Variants in GAB1 observed in about 807,000 individuals in gnomAD.
The protein encoded by GAB1 is GRB2 associated binding protein 1.
Under a neutral mutation model 66.5 loss-of-function variants are expected in GAB1, and 19 were observed. The ratio of observed to expected loss-of-function variants is 0.29; its 90% CI spans 0.20 to 0.42. GAB1 has a LOEUF of 0.42. Ranked by LOEUF, GAB1 falls within the 10% of genes least tolerant of loss-of-function variation. The pLI is 1.00. For missense variants in GAB1, 732 were observed against 858.5 expected (o/e 0.85, Z 1.84); for synonymous variants, 294 against 301.4 (o/e 0.98, Z 0.25).
At chr4:143,378,512 G>A (rs796644723) in intron 1 of GAB1, among the ~76,000 whole-genome samples, 14 of 152,070 alleles carry the variant, frequency 9.2e-5, no homozygotes, top group African/African-American at 3.4e-4. Flanking sequence ...TTTATGCTTA[G>A]CAACAATTAG....
At chr4:143,388,334 A>C (rs1024898665) in intron 1 of GAB1, among the ~76,000 whole-genome samples, 6 of 152,162 alleles carry the variant, frequency 3.9e-5, no homozygotes, top group Admixed American at 1.3e-4. Flanking sequence ...GGTGTCTACA[A>C]ACAGTGCTAC....
At chr4:143,374,131 A>G (rs1427927160) in intron 1 of GAB1, among the ~76,000 whole-genome samples, 1 of 151,342 alleles carries the variant, frequency 6.6e-6, no homozygotes, top group Non-Finnish European at 1.5e-5. Flanking sequence ...ATTTTATAGG[A>G]TTTTCTAGAT....
rs186671627 is a variant in GAB1, at chr4:143,409,687, G to C, written c.73-5790G>C. Among the ~76,000 whole-genome samples, 897 of 152,194 alleles carry C rather than the reference G, an allele frequency of 5.9e-3. 5 individuals are homozygous for C. The highest frequency in any genetic ancestry group is 7.5e-3 in the Non-Finnish European group (510 of 68,004). Reference sequence around the variant, plus strand: ...CAGTGGTAGGAAGGTAGGGTGTGGGGAGGAAAGGGGAAGGTTGGGAAAAAA... The same window carrying C: ...CAGTGGTAGGAAGGTAGGGTGTGGGCAGGAAAGGGGAAGGTTGGGAAAAAA... On this transcript the variant is annotated intron_variant, in intron 1 of 9. Transcript: ENST00000262994.
intron 8 of GAB1, 122 bp from the exon 9 acceptor site, chr4:143,465,981 G>A (rs1193096445): frequency 6.8e-6 from 7 of 1,030,872 alleles, no homozygotes; most frequent in African/African-American, 3.2e-5. Context: ...CTAAAAGGTT[G>A]TTTAACTTTT....
At chr4:143,384,207 C>T (rs535095543) in intron 1 of GAB1, among the ~76,000 whole-genome samples, 28 of 152,306 alleles carry the variant, frequency 1.8e-4, no homozygotes, top group African/African-American at 6.7e-4. Context: ...TCAAGATAGA[C>T]TTGTTTATTC....
intron 1 of GAB1, among the ~76,000 whole-genome samples, chr4:143,387,999 G>A (rs369432875): frequency 6.6e-6 from 1 of 152,130 alleles, no homozygotes; most frequent in Non-Finnish European, 1.5e-5. Flanking sequence ...TTAGCACATG[G>A]TAGAACATTC....
chr4:143,380,807 G>T (rs1730627306), intron 1 of GAB1: 1 of 152,240 alleles, frequency 6.6e-6, no homozygotes. Flanking sequence ...ACACCAGAAA[G>T]AAATAGTTAC....
intron 2 of GAB1, among the ~76,000 whole-genome samples, chr4:143,416,271 G>C (rs796380295): frequency 2.6e-5 from 4 of 152,202 alleles, no homozygotes; most frequent in African/African-American, 9.6e-5. Context: ...AGCCGGGCTT[G>C]GTGGCAGGCA....
At chr4:143,351,653 CTTCCCCACTTCCA>C (rs1157289780) in intron 1 of GAB1, among the ~76,000 whole-genome samples, 1 of 152,192 alleles carries the variant, frequency 6.6e-6, no homozygotes, top group Non-Finnish European at 1.5e-5. Flanking sequence ...AGGCACTTCC[CTTCCCCACTTCCA>C]TATCATTTAA....
At chr4:143,349,080 G>T (rs1323796953) in intron 1 of GAB1, among the ~76,000 whole-genome samples, 1 of 152,150 alleles carries the variant, frequency 6.6e-6, no homozygotes, top group Admixed American at 6.5e-5. Flanking sequence ...ATATTTGCTT[G>T]TTTACTTGCT....
intron 1 of GAB1, 29 bp from the exon 2 acceptor site, chr4:143,415,448 C>T: frequency 6.5e-7 from 1 of 1,536,424 alleles, no homozygotes; most frequent in Non-Finnish European, 8.8e-7. Context: ...CAAGTTAATA[C>T]TGAATGGATA....
chr4:143,382,373 G>T (rs1229247009), intron 1 of GAB1, among the ~76,000 whole-genome samples: 1 of 152,112 alleles, frequency 6.6e-6, no homozygotes, highest in African/African-American at 2.4e-5. Context: ...ATACTGTGGA[G>T]AAAGTATTCA....
chr4:143,338,712 G>GGGGTGTGTGTGTGTGT (rs71588246), intron 1 of GAB1, among the ~76,000 whole-genome samples: 76 of 149,284 alleles, frequency 5.1e-4, no homozygotes, highest in African/African-American at 1.8e-3. Context: ...GAAAGGTAGG[G>GGGGTGTGTGTGTGTGT]GTGTGTGTGT....
chr4:143,400,860 T>C (rs1731732822), intron 1 of GAB1, among the ~76,000 whole-genome samples: 1 of 151,820 alleles, frequency 6.6e-6, no homozygotes, highest in Non-Finnish European at 1.5e-5. Context: ...TCCCAGCTAC[T>C]TAGAAGGTTG....
At chr4:143,342,114 A>G (rs1728841565) in intron 1 of GAB1, among the ~76,000 whole-genome samples, 1 of 152,256 alleles carries the variant, frequency 6.6e-6, no homozygotes. Flanking sequence ...TTGCAATTAC[A>G]TTAAGCCTTT....
intron 1 of GAB1, among the ~76,000 whole-genome samples, chr4:143,359,002 T>G (rs1729555247): frequency 6.6e-6 from 1 of 152,232 alleles, no homozygotes; most frequent in East Asian, 1.9e-4. Context: ...GCTCCCTGGC[T>G]TATTTACATA....
chr4:143,374,106 G>A (rs376724285), intron 1 of GAB1, among the ~76,000 whole-genome samples: 21 of 151,698 alleles, frequency 1.4e-4, no homozygotes, highest in East Asian at 1.2e-3. Flanking sequence ...TGTTTTCCAA[G>A]GAGTTTGGTG....
chr4:143,450,091 G>GTT (rs1734830974), intron 6 of GAB1, among the ~76,000 whole-genome samples: 1 of 152,024 alleles, frequency 6.6e-6, no homozygotes, highest in Non-Finnish European at 1.5e-5. Flanking sequence ...ATTTGTTACC[G>GTT]TTTAAAGGAA....
At chr4:143,446,970 T>C (rs536931995) in intron 6 of GAB1, among the ~76,000 whole-genome samples, 244 of 152,222 alleles carry the variant, frequency 1.6e-3, no homozygotes, top group African/African-American at 5.7e-3. Context: ...TTAATTTTTG[T>C]ATAAGGTGTA....
Sources: gnomAD v4.1 joint callset for allele counts (sites outside exome capture counted in the v4.1 genomes callset) on GRCh38, gnomAD v4.1.1 for gene constraint, MANE v1.5 for transcripts, NCBI Gene and HGNC (gene_info 2026-07-23, HGNC 2026-07-21) for gene names.